The following NFATC2 variants were observed in gnomAD, a reference collection of about 807,000 sequenced individuals.
NFATC2 encodes the protein nuclear factor of activated T cells 2.
NFATC2 carries 22 observed loss-of-function variants against 87.3 expected under a neutral mutation model. That is an observed-to-expected ratio of 0.25 (90% CI 0.18 to 0.36). The LOEUF (loss-of-function observed/expected upper bound fraction) is 0.36, where lower values mean the gene tolerates loss of function less well. Among genes scored for constraint, NFATC2 ranks in the 10% least tolerant of loss-of-function variants. The pLI is 1.00. For synonymous variants in NFATC2, 565 were observed against 542.2 expected (o/e 1.04, Z -0.58); for missense variants, 1,149 against 1,259.1 (o/e 0.91, Z 1.32).
At chr20:51,479,575 G>A (rs1021748351) in intron 3 of NFATC2, among the ~76,000 whole-genome samples, 2 of 152,200 alleles carry the variant, frequency 1.3e-5, no homozygotes, top group Non-Finnish European at 2.9e-5. Flanking sequence ...AGCCACAATC[G>A]TGCCACTGCA....
chr20:51,417,155 G>T (rs768538), intron 9 of NFATC2, among the ~76,000 whole-genome samples: 82,949 of 151,962 alleles, frequency 0.55, 26,130 homozygotes, highest in Non-Finnish European at 0.72. Flanking sequence ...TTCTCAGCCT[G>T]CTTTCACATC....
Position 51,523,283 on chromosome 20 carries a change from G to A in NFATC2, c.958C>T (p.Pro320Ser). ...LATDSPCGIPPKMWKTSPDPS... is the reference protein window; with the variant it reads ...LATDSPCGIPSKMWKTSPDPS... ...TCAGGGCTGGTCTTCCACATCTTGG[G>A]GGGGATCCCACAAGGCGAGTCCGTG... is the stretch of plus-strand genomic sequence containing the variant. The change falls in exon 2 of 11, where the codon CCC (proline) becomes TCC (serine). Residue 320 changes from proline to serine, a missense_variant. Pro to Ser is a moderately conservative substitution (Grantham distance 74). Coordinates refer to ENST00000371564, the MANE Select transcript of NFATC2 (RefSeq NM_012340.5). The surrounding 1 kb of genome is among the most constrained non-coding windows in gnomAD (Gnocchi z 6.9). The A allele has an allele frequency of 6.2e-7, 1 of 1,613,894 alleles. No individual in the cohort carries two copies. Among genetic ancestry groups the A allele is most frequent in the Non-Finnish European group, 8.5e-7 (1 of 1,179,852 alleles).
intron 9 of NFATC2, among the ~76,000 whole-genome samples, chr20:51,420,996 C>T (rs1980810577): frequency 6.6e-6 from 1 of 151,248 alleles, no homozygotes; most frequent in Middle Eastern, 3.4e-3. Flanking sequence ...AGGAAATCGA[C>T]ACTGCAGTGC....
rs1334147544 is a variant in NFATC2, at chr20:51,391,055, TC to T, written c.*440del. ...GCCCACATCTTCTGTCCCCCGTCCA[TC>T]CCCCCAAGCTCCAGTCACTCTGTTC... is the stretch of plus-strand genomic sequence containing the variant. On this transcript the variant is annotated 3_prime_UTR_variant, in exon 11 of 11. Transcript: ENST00000371564. The T allele has an allele frequency of 4.6e-6, 2 of 432,006 alleles. No individual in the cohort carries two copies. Among genetic ancestry groups the T allele is most frequent in the South Asian group, 2.1e-5 (1 of 48,310 alleles). 26.8% of individuals were successfully genotyped at this position (432,006 alleles called of 1,614,324 possible). A position where few individuals can be genotyped will look rare whatever the true frequency, so the allele number is the denominator to read the frequency against.
chr20:51,524,381 G>A lies in NFATC2; in HGVS notation c.131-271C>T, dbSNP rs78816606. 6.1e-3 allele frequency among the ~76,000 whole-genome samples: 924 copies of A among 152,018 alleles called. 7 individuals carry two copies. The highest frequency in any genetic ancestry group is 0.011 in the Non-Finnish European group (739 of 67,974). On this transcript the variant is annotated intron_variant, in intron 1 of 10. Coordinates refer to ENST00000371564, the MANE Select transcript of NFATC2 (RefSeq NM_012340.5). The surrounding 1 kb of genome is among the most constrained non-coding windows in gnomAD (Gnocchi z 4.0). ...AACTTGGCTTTAAATGAAACCCTTC[G>A]GAGAAGTGCACTTTATCTCACAACC...
At chr20:51,561,480 AAAGAAAGCAAGCAAGCAAGCAAGC>A (rs1175500529) in intron 1 of NFATC2, among the ~76,000 whole-genome samples, 295 of 111,140 alleles carry the variant, frequency 2.7e-3, no homozygotes, top group African/African-American at 5.5e-3. Flanking sequence ...AGAAAGAAAG[AAAGAAAGCAAGCAAGCAAGCAAGC>A]AAGCAAGCAA....
chr20:51,561,177 G>C (rs2077017815), intron 1 of NFATC2, among the ~76,000 whole-genome samples: 1 of 152,038 alleles, frequency 6.6e-6, no homozygotes, highest in South Asian at 2.1e-4. Flanking sequence ...GCAGAGGACA[G>C]GATAAACTGG....
intron 6 of NFATC2, among the ~76,000 whole-genome samples, chr20:51,443,960 A>G (rs1163142286): frequency 6.6e-6 from 1 of 151,884 alleles, no homozygotes; most frequent in Non-Finnish European, 1.5e-5. Flanking sequence ...GGGGATGGCT[A>G]AAGTAACATC....
At chr20:51,466,647 A>G in intron 5 of NFATC2, among the ~76,000 whole-genome samples, 1 of 152,194 alleles carries the variant, frequency 6.6e-6, no homozygotes, top group East Asian at 1.9e-4. Context: ...CCAGAAGAAA[A>G]TGTGACAGAA....
chr20:51,492,222 C>T (rs1276773434), intron 3 of NFATC2, among the ~76,000 whole-genome samples: 1 of 152,006 alleles, frequency 6.6e-6, no homozygotes, highest in Non-Finnish European at 1.5e-5. Context: ...CCCTGGCTGC[C>T]AGGGCCTCAG....
Position 51,542,652 on chromosome 20 carries a change from C to A in NFATC2, c.-153G>T. 8.7e-7 allele frequency: 1 copy of A among 1,152,340 alleles called. No individual in the cohort carries two copies. Among genetic ancestry groups the A allele is most frequent in the East Asian group, 4.2e-5 (1 of 24,052 alleles). 71.4% of individuals were successfully genotyped at this position (1,152,340 alleles called of 1,614,324 possible). On this transcript the variant is annotated 5_prime_UTR_variant, in exon 1 of 11. Transcript: ENST00000371564. ...CCGGGTCCGGGGACGGCGCGCCTGG[C>A]GCAGCGGGTCCTGGACGCGCCCGGG...
At chr20:51,513,504 C>G (rs936240789) in intron 3 of NFATC2, among the ~76,000 whole-genome samples, 1 of 152,168 alleles carries the variant, frequency 6.6e-6, no homozygotes, top group Non-Finnish European at 1.5e-5. Flanking sequence ...AATAAACAAA[C>G]AAACAAAGTC....
chr20:51,543,238 A>C (rs73910704), upstream of NFATC2, among the ~76,000 whole-genome samples: 5 of 152,162 alleles, frequency 3.3e-5, no homozygotes, highest in Admixed American at 6.5e-5. Context: ...CCCCCGTTAC[A>C]GCTATGCCTC....
chr20:51,400,142 C>A (rs1188295354), intron 9 of NFATC2, among the ~76,000 whole-genome samples: 3 of 151,470 alleles, frequency 2.0e-5, no homozygotes, highest in Admixed American at 1.3e-4. Flanking sequence ...CAGAAACCAA[C>A]AACCTCCACT....
intron 9 of NFATC2, among the ~76,000 whole-genome samples, chr20:51,416,863 G>C (rs1203363331): frequency 6.6e-6 from 1 of 152,198 alleles, no homozygotes; most frequent in East Asian, 1.9e-4. Flanking sequence ...CAGAGGGACA[G>C]TAGGGGCAGT....
At chr20:51,483,240 A>T (rs181036663) in intron 3 of NFATC2, among the ~76,000 whole-genome samples, 27 of 152,336 alleles carry the variant, frequency 1.8e-4, no homozygotes, top group Admixed American at 1.0e-3. Flanking sequence ...AGGGCTTTTT[A>T]AATACTCTCA....
At chr20:51,508,261 G>T (rs999746016) in intron 3 of NFATC2, among the ~76,000 whole-genome samples, 2 of 151,968 alleles carry the variant, frequency 1.3e-5, no homozygotes, top group Non-Finnish European at 2.9e-5. Context: ...GTCTCACCAC[G>T]CCACCTCTCT....
intron 3 of NFATC2, among the ~76,000 whole-genome samples, chr20:51,500,653 CCCCCT>C: frequency 8.9e-6 from 1 of 112,308 alleles, no homozygotes; most frequent in Non-Finnish European, 1.8e-5. Flanking sequence ...CTCACCACCC[CCCCCT>C]CCACCCCCAC....
chr20:51,492,543 C>T (rs998821229), intron 3 of NFATC2, among the ~76,000 whole-genome samples: 4 of 152,224 alleles, frequency 2.6e-5, no homozygotes, highest in Admixed American at 2.0e-4. Flanking sequence ...AGCTTTTCCT[C>T]TCTGTGCTTC....
Sources: allele counts gnomAD v4.1 joint callset (sites outside exome capture counted in the v4.1 genomes callset), GRCh38; gene constraint gnomAD v4.1.1; non-coding constraint Gnocchi (gnomAD v3.1); transcripts MANE v1.5; gene names NCBI Gene and HGNC (gene_info 2026-07-23, HGNC 2026-07-21).